Variants in MAPK8IP1 observed in about 807,000 individuals in gnomAD.
MAPK8IP1 encodes the protein C-Jun-amino-terminal kinase-interacting protein 1.
Under a neutral mutation model 72.6 loss-of-function variants are expected in MAPK8IP1, and 17 were observed. The ratio of observed to expected loss-of-function variants is 0.23; its 90% CI spans 0.16 to 0.35. MAPK8IP1 has a LOEUF of 0.35. MAPK8IP1 is among the 10% of genes least tolerant of loss of function. MAPK8IP1 has a pLI of 1.00. For missense variants in MAPK8IP1, 789 were observed against 1,009.7 expected, an observed-to-expected ratio of 0.78 and a Z score of 2.96; for synonymous variants, 401 against 443.4, an observed-to-expected ratio of 0.90 and a Z score of 1.20.
intron 1 of MAPK8IP1, chr11:45,897,035 A>G (rs1206697552): frequency 4.2e-6 from 6 of 1,426,010 alleles, no homozygotes; most frequent in African/African-American, 2.8e-5. Context: ...GAATGAGGCG[A>G]GTGGCAGGGA....
At position 45,901,986 on chromosome 11, in the gene MAPK8IP1, C is replaced by T. The variant is rs755400538; in HGVS notation, c.529C>T (p.Leu177=). ...FPQVPRSQDT[L]NNNSLGKKHS... is the part of the protein sequence containing the mutation. ...CCTTTTGTTCCCTGCACAGGACACA[C>T]TGAATAATAATTCTCTGGGCAAAAA... The change falls in exon 4 of 12, where the codon CTG becomes TTG. Residue 177 remains leucine, a synonymous_variant. Coordinates refer to ENST00000241014, the MANE Select transcript of MAPK8IP1 (RefSeq NM_005456.4). 1.4e-5 allele frequency: 23 copies of T among 1,613,714 alleles called. No homozygotes were observed. In the South Asian group the frequency reaches 1.8e-4, roughly 12 times the overall value.
intron 1 of MAPK8IP1, among the ~76,000 whole-genome samples, chr11:45,892,055 C>T (rs2086570753): frequency 6.6e-6 from 1 of 152,180 alleles, no homozygotes; most frequent in Non-Finnish European, 1.5e-5. Flanking sequence ...GGTTGTCCCT[C>T]GGGGCTCATT....
intron 1 of MAPK8IP1, among the ~76,000 whole-genome samples, chr11:45,888,645 G>A (rs140398605): frequency 8.3e-4 from 126 of 152,086 alleles, no homozygotes; most frequent in African/African-American, 2.7e-3. Context: ...TATAGTGGTT[G>A]GTTACCTTTG....
chr11:45,903,193 G>C lies in MAPK8IP1; in HGVS notation c.1417+9G>C, dbSNP rs2086671050. On this transcript the variant is annotated intron_variant, in intron 5 of 11. Transcript: ENST00000241014. This position sits in a 1 kb window ranked among gnomAD's most constrained non-coding sequence, Gnocchi z 6.4. ...CCGCTCCCGCTCCTCCAGTGAGTCA[G>C]CAAGGGGAAGCAGTGGGGTGGGGGG... 1.3e-6 allele frequency: 2 copies of C among 1,598,004 alleles called. No individual in the cohort carries two copies. The highest frequency in any genetic ancestry group is 4.5e-5 in the East Asian group (2 of 44,682).
chr11:45,905,355 C>A, intron 11 of MAPK8IP1, 106 bp downstream of exon 11: 1 of 1,079,618 alleles, frequency 9.3e-7, no homozygotes, highest in Non-Finnish European at 1.4e-6. Flanking sequence ...TCCCCCGCAG[C>A]TCTGGAGAAC....
chr11:45,899,308 G>A (rs568670323), intron 2 of MAPK8IP1, among the ~76,000 whole-genome samples: 4 of 152,230 alleles, frequency 2.6e-5, no homozygotes, highest in Admixed American at 2.6e-4. Context: ...GGTTGCCTCC[G>A]AGCTAGGCAG....
chr11:45,887,844 C>T (rs1339743395), intron 1 of MAPK8IP1, among the ~76,000 whole-genome samples: 1 of 152,244 alleles, frequency 6.6e-6, no homozygotes, highest in African/African-American at 2.4e-5. Flanking sequence ...GCCGGCCTGC[C>T]CCGCTGCTCC....
intron 1 of MAPK8IP1, among the ~76,000 whole-genome samples, chr11:45,890,614 G>C (rs1388995852): frequency 1.3e-5 from 2 of 152,100 alleles, no homozygotes; most frequent in Non-Finnish European, 2.9e-5. Flanking sequence ...TTAGGGGGCA[G>C]ATTAGCCTGC....
chr11:45,894,041 A>T (rs1244558546), intron 1 of MAPK8IP1, among the ~76,000 whole-genome samples: 1 of 151,740 alleles, frequency 6.6e-6, no homozygotes, highest in East Asian at 2.0e-4. Context: ...TCCTACTCAC[A>T]CAAATTCCAT....
chr11:45,902,084 A>C lies in MAPK8IP1; in HGVS notation c.604+23A>C, dbSNP rs1590787238. On this transcript the variant is annotated intron_variant, in intron 4 of 11. Transcript: ENST00000241014. This position sits in a 1 kb window ranked among gnomAD's most constrained non-coding sequence, Gnocchi z 9.3. The stretch of plus-strand genomic sequence containing the variant: ...CAGGTAAGTCAGGGCCCTCTTCCTT[A>C]CCTGGACCTCCGCCTGCCCTGACTC... 6.3e-7 allele frequency: 1 copy of C among 1,598,404 alleles called. No individual in the cohort carries two copies. Among genetic ancestry groups the C allele is most frequent in the Non-Finnish European group, 8.6e-7 (1 of 1,165,768 alleles).
chr11:45,896,589 CG>C (rs1311164440), intron 1 of MAPK8IP1: 1 of 1,288,084 alleles, frequency 7.8e-7, no homozygotes, highest in East Asian at 3.0e-5. Context: ...GCGGCCACAG[CG>C]GCAGCAGCGC....
rs747938311 is a variant in MAPK8IP1, at chr11:45,902,561, A to G, written c.794A>G (p.Asp265Gly). The change falls in exon 5 of 12, where the codon GAC becomes GGC. Residue 265 changes from aspartate (D) to glycine (G), a missense_variant. Asp to Gly is a moderately conservative substitution (Grantham distance 94). Transcript: ENST00000241014. This position sits in a 1 kb window ranked among gnomAD's most constrained non-coding sequence, Gnocchi z 9.3. ...PPGGRGHSHR[D>G]RIHYQADVRL... is the part of the protein sequence containing the mutation. Reference sequence around the variant, plus strand: ...GGGGGTCGGGGCCACTCGCATCGAGACCGAATCCACTACCAGGCCGATGTG... The same window carrying G: ...GGGGGTCGGGGCCACTCGCATCGAGGCCGAATCCACTACCAGGCCGATGTG... 1.3e-5 allele frequency: 21 copies of G among 1,612,196 alleles called. No homozygotes were observed. The highest frequency in any genetic ancestry group is 1.7e-5 in the Non-Finnish European group (20 of 1,179,786).
chr11:45,902,224 G>A lies in MAPK8IP1; in HGVS notation c.605-148G>A, dbSNP rs2086659252. ...GGGGCTGAGATCAGTGGTGGCATGA[G>A]TGAGTTGACTGGCCCCAGAGCCTGC... On this transcript the variant is annotated intron_variant, in intron 4 of 11. Transcript: ENST00000241014. The surrounding 1 kb of genome is among the most constrained non-coding windows in gnomAD (Gnocchi z 9.3). 2 of 958,916 alleles carry A rather than the reference G, an allele frequency of 2.1e-6. No individual in the cohort carries two copies. Among genetic ancestry groups the A allele is most frequent in the Non-Finnish European group, 3.3e-6 (2 of 599,138 alleles). The allele number at this position is 958,916 out of a possible 1,614,324, so 59.4% of individuals were successfully genotyped here. A position where few individuals can be genotyped will look rare whatever the true frequency, so the allele number is the denominator to read the frequency against.
In MAPK8IP1 at chr11:45,885,785, C is replaced by G. The variant is rs1000013446; in HGVS notation, c.-36C>G. 3.2e-6 allele frequency: 4 copies of G among 1,253,396 alleles called. No individual in the cohort carries two copies. The African/African-American group carries it at 4.7e-5, about 15-fold the overall frequency. The allele number at this position is 1,253,396 out of a possible 1,614,324, so 77.6% of individuals were successfully genotyped here. On this transcript the variant is annotated 5_prime_UTR_variant, in exon 1 of 12. Coordinates refer to ENST00000241014, the MANE Select transcript of MAPK8IP1 (RefSeq NM_005456.4). ...TTCGCAGCCGCCGCCTCCTCCGCGC[C>G]GCGCTCCGCCCGGATGGCCAGGGCT...
chr11:45,903,491 C>A lies in MAPK8IP1; in HGVS notation c.1493+51C>A. On this transcript the variant is annotated intron_variant, in intron 6 of 11. Transcript: ENST00000241014. The surrounding 1 kb of genome is among the most constrained non-coding windows in gnomAD (Gnocchi z 6.4). Reference sequence around the variant, plus strand: ...TAGCCAGGCAGCAGTTTGGGCCACACACCACCCTCTACTTGTCACCCCTAC... The same window carrying A: ...TAGCCAGGCAGCAGTTTGGGCCACAAACCACCCTCTACTTGTCACCCCTAC... 1 of 1,494,054 alleles carries A rather than the reference C, an allele frequency of 6.7e-7. No homozygotes were observed. The highest frequency in any genetic ancestry group is 9.2e-7 in the Non-Finnish European group (1 of 1,089,512). 92.5% of individuals were successfully genotyped at this position (1,494,054 alleles called of 1,614,324 possible).
rs1221936826 is a variant in MAPK8IP1, at chr11:45,900,368, G to C, written c.438G>C (p.Gln146His). The C allele has an allele frequency of 6.6e-7, 1 of 1,520,908 alleles. No homozygotes were observed. Among genetic ancestry groups the C allele is most frequent in the Non-Finnish European group, 8.8e-7 (1 of 1,140,996 alleles). 94.2% of individuals were successfully genotyped at this position (1,520,908 alleles called of 1,614,324 possible). Residue 146 changes from glutamine (Q) to histidine (H), a missense_variant, in exon 3 of 12, where the codon CAG becomes CAC. By Grantham distance (24) the Gln-to-His change is conservative. Coordinates refer to ENST00000241014, the MANE Select transcript of MAPK8IP1 (RefSeq NM_005456.4). This position sits in a 1 kb window ranked among gnomAD's most constrained non-coding sequence, Gnocchi z 6.5. ...ASRGQGQSQGQSQGPGSGDTY... is the reference protein window; with the variant it reads ...ASRGQGQSQGHSQGPGSGDTY... ...GCGGCCAGGGCCAGAGCCAAGGCCA[G>C]AGCCAGGGCCCGGGCAGCGGGGACA...
intron 1 of MAPK8IP1, among the ~76,000 whole-genome samples, chr11:45,892,948 C>T (rs1462729313): frequency 6.6e-6 from 1 of 152,164 alleles, no homozygotes; most frequent in Non-Finnish European, 1.5e-5. Context: ...TCACTGGGAG[C>T]CAGCTTCGTT....
intron 1 of MAPK8IP1, among the ~76,000 whole-genome samples, chr11:45,888,468 C>T (rs1590781035): frequency 6.6e-6 from 1 of 152,146 alleles, no homozygotes; most frequent in Non-Finnish European, 1.5e-5. Context: ...AAGTGGCAGG[C>T]AGTCTGATGT....
chr11:45,903,466 T>C lies in MAPK8IP1; in HGVS notation c.1493+26T>C, dbSNP rs1590788364. The C allele has an allele frequency of 6.3e-7, 1 of 1,596,190 alleles. No individual in the cohort carries two copies. The highest frequency in any genetic ancestry group is 1.1e-5 in the South Asian group (1 of 89,120). On this transcript the variant is annotated intron_variant, in intron 6 of 11. Transcript: ENST00000241014. This position sits in a 1 kb window ranked among gnomAD's most constrained non-coding sequence, Gnocchi z 6.4. Reference sequence around the variant, plus strand: ...GTGAGAGCCATGGGCTGGCTGGGCCTAGCCAGGCAGCAGTTTGGGCCACAC... The same window carrying C: ...GTGAGAGCCATGGGCTGGCTGGGCCCAGCCAGGCAGCAGTTTGGGCCACAC...
Sources: gnomAD v4.1 joint callset for allele counts (sites outside exome capture counted in the v4.1 genomes callset) on GRCh38, gnomAD v4.1.1 for gene constraint, Gnocchi (gnomAD v3.1) non-coding constraint, MANE v1.5 for transcripts, NCBI Gene and HGNC (gene_info 2026-07-23, HGNC 2026-07-21) for gene names.